Variants in GMDS observed in about 807,000 individuals in gnomAD.
GMDS encodes GDP-mannose 4,6 dehydratase.
Under a neutral mutation model 49.9 loss-of-function variants are expected in GMDS, and 20 were observed. That is an observed-to-expected ratio of 0.40 (90% confidence interval 0.28 to 0.58). The LOEUF is 0.58. Among genes scored for constraint, GMDS ranks in the 20% least tolerant of loss-of-function variants. GMDS has a pLI of 0.42. For missense variants in GMDS, 362 were observed against 481.4 expected (o/e 0.75, Z 2.32); for synonymous variants, 177 against 178.6 (o/e 0.99, Z 0.07).
chr6:2,001,772 G>A (rs2449968), intron 4 of GMDS, among the ~76,000 whole-genome samples: 9 of 152,172 alleles, frequency 5.9e-5, no homozygotes, highest in Non-Finnish European at 1.0e-4. Context: ...AGAGTTGCTA[G>A]GACCATTCAG....
chr6:1,671,052 C>A (rs537540359), intron 9 of GMDS, among the ~76,000 whole-genome samples: 1 of 152,224 alleles, frequency 6.6e-6, no homozygotes, highest in South Asian at 2.1e-4. Flanking sequence ...ACTGTGGGGG[C>A]CTTCAGAAGG....
At chr6:1,948,496 T>A (rs1763191403) in intron 6 of GMDS, among the ~76,000 whole-genome samples, 1 of 152,070 alleles carries the variant, frequency 6.6e-6, no homozygotes, top group East Asian at 1.9e-4. Context: ...CTTAAAAAAA[T>A]ACTTGAAAAA....
intron 1 of GMDS, among the ~76,000 whole-genome samples, chr6:2,220,920 G>A (rs1219981542): frequency 6.6e-6 from 1 of 152,144 alleles, no homozygotes; most frequent in African/African-American, 2.4e-5. Flanking sequence ...TTCACACCTG[G>A]AATCCAAGCA....
chr6:1,643,170 G>A (rs1044851237), intron 9 of GMDS, among the ~76,000 whole-genome samples: 4 of 152,172 alleles, frequency 2.6e-5, no homozygotes, highest in African/African-American at 9.7e-5. Flanking sequence ...CCTCAGCCAG[G>A]TGAGATGTGC....
chr6:1,686,880 AT>A (rs1273051011), intron 9 of GMDS, among the ~76,000 whole-genome samples: 3 of 152,206 alleles, frequency 2.0e-5, no homozygotes, highest in Non-Finnish European at 4.4e-5. Flanking sequence ...AGGCAATACA[AT>A]TTTTTTAAAT....
intron 7 of GMDS, among the ~76,000 whole-genome samples, chr6:1,745,826 G>T (rs1767470794): frequency 6.6e-6 from 1 of 152,154 alleles, no homozygotes; most frequent in Non-Finnish European, 1.5e-5. Flanking sequence ...ATAATTAATG[G>T]TTATTGACTG....
At chr6:2,220,450 T>C (rs1201945197) in intron 1 of GMDS, among the ~76,000 whole-genome samples, 2 of 152,244 alleles carry the variant, frequency 1.3e-5, no homozygotes, top group African/African-American at 4.8e-5. Flanking sequence ...TACTGTTAAG[T>C]GCTTTAATGT....
At chr6:2,151,208 G>GAGAT (rs1218353076) in intron 1 of GMDS, among the ~76,000 whole-genome samples, 15 of 152,170 alleles carry the variant, frequency 9.9e-5, no homozygotes, top group African/African-American at 3.6e-4. Context: ...ATAAATGTTT[G>GAGAT]AGATGATGGA....
chr6:1,643,977 C>T (rs2113192184), intron 9 of GMDS, among the ~76,000 whole-genome samples: 1 of 152,248 alleles, frequency 6.6e-6, no homozygotes, highest in Non-Finnish European at 1.5e-5. Flanking sequence ...TGACAAGGCT[C>T]CCAGGGCGGA....
At chr6:2,005,898 A>C (rs1767133275) in intron 4 of GMDS, among the ~76,000 whole-genome samples, 1 of 152,076 alleles carries the variant, frequency 6.6e-6, no homozygotes, top group Non-Finnish European at 1.5e-5. Context: ...ACTCCTAACC[A>C]GGCTCTTTTC....
chr6:1,793,134 A>C (rs1042732455), intron 7 of GMDS, among the ~76,000 whole-genome samples: 4 of 152,170 alleles, frequency 2.6e-5, no homozygotes, highest in Non-Finnish European at 4.4e-5. Flanking sequence ...TTCTAGTTTC[A>C]ACAAACGACT....
chr6:1,741,251 C>A (rs1198935129), intron 8 of GMDS, among the ~76,000 whole-genome samples: 4 of 152,074 alleles, frequency 2.6e-5, no homozygotes, highest in Non-Finnish European at 5.9e-5. Flanking sequence ...ACCTTAGACA[C>A]CCTATTGTAC....
intron 9 of GMDS, among the ~76,000 whole-genome samples, chr6:1,658,660 A>G (rs180893001): frequency 3.3e-5 from 5 of 152,402 alleles, no homozygotes; most frequent in African/African-American, 1.2e-4. Context: ...AAAAATCAAC[A>G]TATACATTTG....
intron 7 of GMDS, among the ~76,000 whole-genome samples, chr6:1,822,632 T>C (rs1053144927): frequency 3.9e-5 from 6 of 152,060 alleles, no homozygotes; most frequent in Admixed American, 1.3e-4. Context: ...AAAGGAGAAA[T>C]AGAATTATCT....
chr6:1,674,330 G>C (rs2113288784), intron 9 of GMDS, among the ~76,000 whole-genome samples: 1 of 152,182 alleles, frequency 6.6e-6, no homozygotes, highest in African/African-American at 2.4e-5. Context: ...CTTTGGTGAG[G>C]TGTCTATTAG....
intron 4 of GMDS, among the ~76,000 whole-genome samples, chr6:2,005,259 C>T (rs186240105): frequency 3.9e-5 from 6 of 152,188 alleles, no homozygotes; most frequent in African/African-American, 1.2e-4. Flanking sequence ...TACAAGGCCT[C>T]GTGCAATATG....
chr6:2,051,635 T>C (rs9503080), intron 4 of GMDS, among the ~76,000 whole-genome samples: 44,762 of 152,022 alleles, frequency 0.29, 6,807 homozygotes, highest in East Asian at 0.48. Context: ...TCTCACTAAG[T>C]TGTACCACTT....
At chr6:1,883,612 GA>G (rs555954574) in intron 7 of GMDS, among the ~76,000 whole-genome samples, 2 of 151,952 alleles carry the variant, frequency 1.3e-5, no homozygotes, top group Non-Finnish European at 2.9e-5. Flanking sequence ...CTGTTTTGCT[GA>G]AAAAAATCTA....
intron 7 of GMDS, among the ~76,000 whole-genome samples, chr6:1,813,012 G>A (rs1051834262): frequency 1.1e-4 from 17 of 151,840 alleles, no homozygotes; most frequent in Admixed American, 2.0e-4. Context: ...TGCTTGAGGC[G>A]GTCGAGACCA....
Sources: allele counts gnomAD v4.1 joint callset (sites outside exome capture counted in the v4.1 genomes callset), GRCh38; gene constraint gnomAD v4.1.1; transcripts MANE v1.5; gene names NCBI Gene and HGNC (gene_info 2026-07-23, HGNC 2026-07-21).